The following MDGA2 variants were observed in gnomAD, a reference collection of about 807,000 sequenced individuals.
The protein encoded by MDGA2 is MAM domain-containing glycosylphosphatidylinositol anchor protein 2.
Under a neutral mutation model 117.8 loss-of-function variants are expected in MDGA2, and 40 were observed. That is an observed-to-expected ratio of 0.34 (90% CI 0.26 to 0.44). MDGA2 has a LOEUF of 0.44. Among genes scored for constraint, MDGA2 ranks in the 20% least tolerant of loss-of-function variants. The pLI, the probability that MDGA2 is intolerant of heterozygous loss-of-function variation, is 1.00. For missense variants in MDGA2, 1,123 were observed against 1,250.6 expected, an observed-to-expected ratio of 0.90 and a Z score of 1.54; for synonymous variants, 452 against 439.0, an observed-to-expected ratio of 1.03 and a Z score of -0.37.
intron 8 of MDGA2, among the ~76,000 whole-genome samples, chr14:46,963,815 T>C (rs1231011191): frequency 6.6e-6 from 1 of 152,222 alleles, no homozygotes; most frequent in Non-Finnish European, 1.5e-5. Flanking sequence ...CATTGTTGCA[T>C]CCTATGTGTC....
chr14:47,087,250 C>T (rs931741079), intron 6 of MDGA2, among the ~76,000 whole-genome samples: 2 of 151,720 alleles, frequency 1.3e-5, no homozygotes, highest in African/African-American at 4.8e-5. Flanking sequence ...TGCGGTGGCT[C>T]ACACCTGTAA....
intron 1 of MDGA2, among the ~76,000 whole-genome samples, chr14:47,612,734 A>T (rs997638276): frequency 2.0e-5 from 3 of 152,304 alleles, no homozygotes; most frequent in South Asian, 2.1e-4. Flanking sequence ...CTAAAATAGC[A>T]TTTCTATAGG....
chr14:47,441,261 G>C (rs1466824454), intron 1 of MDGA2, among the ~76,000 whole-genome samples: 1 of 152,078 alleles, frequency 6.6e-6, no homozygotes, highest in Non-Finnish European at 1.5e-5. Flanking sequence ...CGGAAACCAA[G>C]TGTGGAGAGC....
chr14:47,288,460 A>T (rs1594774909), intron 2 of MDGA2, among the ~76,000 whole-genome samples: 1 of 152,276 alleles, frequency 6.6e-6, no homozygotes, highest in East Asian at 1.9e-4. Flanking sequence ...GTTAATTTTT[A>T]AAAATACAGA....
At chr14:47,372,214 C>T (rs373855807) in intron 1 of MDGA2, among the ~76,000 whole-genome samples, 1 of 151,464 alleles carries the variant, frequency 6.6e-6, no homozygotes, top group East Asian at 1.9e-4. Flanking sequence ...TCTGAGCAAA[C>T]CACAATGACT....
chr14:47,150,646 G>A (rs1883124249), intron 3 of MDGA2, among the ~76,000 whole-genome samples: 1 of 152,116 alleles, frequency 6.6e-6, no homozygotes, highest in Non-Finnish European at 1.5e-5. Flanking sequence ...GTGGTTGGCT[G>A]GGCGTGGTGG....
At chr14:47,341,034 A>C (rs1187698740) in intron 1 of MDGA2, among the ~76,000 whole-genome samples, 1 of 152,144 alleles carries the variant, frequency 6.6e-6, no homozygotes, top group Non-Finnish European at 1.5e-5. Flanking sequence ...TTTCATTCTG[A>C]ATGAAGGCCT....
intron 7 of MDGA2, among the ~76,000 whole-genome samples, chr14:47,037,207 C>A (rs1462999841): frequency 1.3e-5 from 2 of 152,178 alleles, no homozygotes; most frequent in African/African-American, 4.8e-5. Context: ...ATAACCTCAG[C>A]ATTTAACATT....
At chr14:47,587,415 C>T (rs1896345992) in intron 1 of MDGA2, among the ~76,000 whole-genome samples, 2 of 151,782 alleles carry the variant, frequency 1.3e-5, no homozygotes, top group Admixed American at 1.3e-4. Context: ...GGGCATCTAG[C>T]TATTCCTGTT....
intron 16 of MDGA2, among the ~76,000 whole-genome samples, chr14:46,842,662 T>C (rs1880665623): frequency 6.6e-6 from 1 of 152,234 alleles, no homozygotes; most frequent in African/African-American, 2.4e-5. Flanking sequence ...TGGTGTCCAG[T>C]TGATGCCTCT....
At chr14:47,353,433 C>T (rs1331945958) in intron 1 of MDGA2, among the ~76,000 whole-genome samples, 1 of 152,134 alleles carries the variant, frequency 6.6e-6, no homozygotes, top group Non-Finnish European at 1.5e-5. Context: ...TCTCCTGCCT[C>T]AGTAAGTCAT....
At chr14:47,037,828 T>A (rs1413916504) in intron 7 of MDGA2, among the ~76,000 whole-genome samples, 1 of 152,206 alleles carries the variant, frequency 6.6e-6, no homozygotes, top group African/African-American at 2.4e-5. Flanking sequence ...CTTTAAAGAC[T>A]AATGGAGGGT....
In MDGA2 at chr14:47,059,015, A is replaced by G. The variant is rs187453985; in HGVS notation, c.1525+2234T>C. The G allele has an allele frequency of 1.3e-5, 13 of 1,001,888 alleles. No individual in the cohort carries two copies. In the African/African-American group the frequency reaches 1.9e-4, roughly 15 times the overall value. The allele number at this position is 1,001,888 out of a possible 1,614,324, so 62.1% of individuals were successfully genotyped here. A position where few individuals can be genotyped will look rare whatever the true frequency, so the allele number is the denominator to read the frequency against. ...CTCCTGTCTTTGGGAGTGATAAAAC[A>G]TTAAGTCACTATAAATTTGTCTATC... On this transcript the variant is annotated intron_variant, in intron 7 of 16. Transcript: ENST00000399232.
intron 2 of MDGA2, among the ~76,000 whole-genome samples, chr14:47,240,376 T>C (rs556214464): frequency 2.6e-5 from 4 of 151,848 alleles, no homozygotes; most frequent in Non-Finnish European, 5.9e-5. Flanking sequence ...AATATTGTGC[T>C]TGTCATGTTC....
At chr14:46,981,706 T>C (rs1054723913) in intron 8 of MDGA2, among the ~76,000 whole-genome samples, 11 of 152,200 alleles carry the variant, frequency 7.2e-5, no homozygotes, top group African/African-American at 1.4e-4. Context: ...CAGGTTATCA[T>C]GACCTGTTTT....
At chr14:47,515,527 C>T (rs1894733548) in intron 1 of MDGA2, among the ~76,000 whole-genome samples, 1 of 152,082 alleles carries the variant, frequency 6.6e-6, no homozygotes, top group African/African-American at 2.4e-5. Flanking sequence ...AATGACTATC[C>T]AGTGGCTGGG....
Position 46,856,240 on chromosome 14 carries a change from T to A in MDGA2, c.2753-1086A>T, listed in dbSNP as rs1881263664. ...AATCACTAGGCAATCAATATTTTACTAGATAATTTTAAAAATCAACTGTAT... is the reference window on the plus strand; with the variant it reads ...AATCACTAGGCAATCAATATTTTACAAGATAATTTTAAAAATCAACTGTAT... On this transcript the variant is annotated intron_variant, in intron 14 of 16. Transcript: ENST00000399232. Among the ~76,000 whole-genome samples, 3 of 152,138 alleles carry A rather than the reference T, an allele frequency of 2.0e-5. No individual in the cohort carries two copies. The South Asian group carries it at 6.2e-4, about 32-fold the overall frequency.
chr14:47,334,269 TCAC>T (rs979178416), intron 1 of MDGA2, among the ~76,000 whole-genome samples: 1 of 151,918 alleles, frequency 6.6e-6, no homozygotes, highest in Non-Finnish European at 1.5e-5. Flanking sequence ...TGATTTTGAC[TCAC>T]CACAATGAAA....
intron 1 of MDGA2, among the ~76,000 whole-genome samples, chr14:47,388,942 A>C (rs8021759): frequency 0.29 from 44,359 of 152,118 alleles, 6,803 homozygotes; most frequent in Middle Eastern, 0.41. Flanking sequence ...ACTGTCATTC[A>C]AACTAAAGGT....
Sources: gnomAD v4.1 joint callset for allele counts (sites outside exome capture counted in the v4.1 genomes callset) on GRCh38, gnomAD v4.1.1 for gene constraint, MANE v1.5 for transcripts, NCBI Gene and HGNC (gene_info 2026-07-23, HGNC 2026-07-21) for gene names.